Variants in SV2B observed in about 807,000 individuals in gnomAD.
SV2B encodes the protein solute carrier family 22 member B2.
In SV2B, 41 loss-of-function variants were observed where a neutral mutation model predicts 73.9. That is an observed-to-expected ratio of 0.56 (90% CI 0.43 to 0.72). The LOEUF (loss-of-function observed/expected upper bound fraction) is 0.72. Among genes scored for constraint, SV2B ranks in the 30% least tolerant of loss-of-function variants. The pLI is 0.00. For synonymous variants in SV2B, 314 were observed against 314.2 expected, an observed-to-expected ratio of 1.00 and a Z score of 0.01; for missense variants, 764 against 857.8, an observed-to-expected ratio of 0.89 and a Z score of 1.37.
At chr15:91,104,304 G>T (rs1054709637) in intron 1 of SV2B, among the ~76,000 whole-genome samples, 2 of 152,184 alleles carry the variant, frequency 1.3e-5, no homozygotes, top group Non-Finnish European at 2.9e-5. Context: ...GCCTCAGCTG[G>T]ATGACTTGGC....
rs79883185 is a variant in SV2B at position 91,132,685 on chromosome 15, C to T, written c.-392+32322C>T. Among the ~76,000 whole-genome samples the T allele has an allele frequency of 0.036, 5,482 of 152,070 alleles. 328 individuals carry two copies. The highest frequency in any genetic ancestry group is 0.12 in the African/African-American group (5,092 of 41,436). ...AACATTTAGGTTTTTTGCCTCCAGA[C>T]CCTATTTCTCCTGCCTCAGTGGCAC... On this transcript the variant is annotated intron_variant, in intron 1 of 12. Coordinates refer to ENST00000394232, the MANE Select transcript of SV2B (RefSeq NM_001323032.3). This position sits in a 1 kb window ranked among gnomAD's most constrained non-coding sequence, Gnocchi z 4.6.
rs191998791 is a variant in SV2B, at chr15:91,197,139, C to T, written c.-391-28734C>T. 3.3e-5 allele frequency among the ~76,000 whole-genome samples: 5 copies of T among 152,316 alleles called. No homozygotes were observed. The highest frequency in any genetic ancestry group is 2.1e-4 in the South Asian group (1 of 4,828). On this transcript the variant is annotated intron_variant, in intron 1 of 12. Coordinates refer to ENST00000394232, the MANE Select transcript of SV2B (RefSeq NM_001323032.3). The surrounding 1 kb of genome is among the most constrained non-coding windows in gnomAD (Gnocchi z 4.9). ...TGTGAGGCTGGCCTTATCAAATTAC[C>T]GTACTTCTCAGAGAATCAATACCCA...
In SV2B at chr15:91,239,673, G is replaced by A. The variant is rs1199888376; in HGVS notation, c.452-12146G>A. Among the ~76,000 whole-genome samples the A allele has an allele frequency of 6.6e-6, 1 of 152,140 alleles. No homozygotes were observed. Among genetic ancestry groups the A allele is most frequent in the Non-Finnish European group, 1.5e-5 (1 of 68,028 alleles). ...TCAGATAGAGTCTTTCATTAGTATG[G>A]TTTCTTTTTTAGAAGGCAGCATGTG... On this transcript the variant is annotated intron_variant, in intron 2 of 12. Transcript: ENST00000394232. This position sits in a 1 kb window ranked among gnomAD's most constrained non-coding sequence, Gnocchi z 5.1.
At position 91,122,187 on chromosome 15, in the gene SV2B, A is replaced by G. The variant is rs921129054; in HGVS notation, c.-392+21824A>G. 6.6e-6 allele frequency among the ~76,000 whole-genome samples: 1 copy of G among 152,198 alleles called. No homozygotes were observed. The highest frequency in any genetic ancestry group is 2.4e-5 in the African/African-American group (1 of 41,452). ...TCTTTGGACTCCCACTATCTCAGCTACTAGAAATGTATTATCTCATCGATA... is the reference window on the plus strand; with the variant it reads ...TCTTTGGACTCCCACTATCTCAGCTGCTAGAAATGTATTATCTCATCGATA... On this transcript the variant is annotated intron_variant, in intron 1 of 12. Coordinates refer to ENST00000394232, the MANE Select transcript of SV2B (RefSeq NM_001323032.3). The surrounding 1 kb of genome is among the most constrained non-coding windows in gnomAD (Gnocchi z 4.3).
chr15:91,296,209 G>C lies in SV2B; in HGVS notation c.*3657G>C, dbSNP rs999763502. 6.6e-6 allele frequency: 1 copy of C among 152,210 alleles called. No individual in the cohort carries two copies. Among genetic ancestry groups the C allele is most frequent in the African/African-American group, 2.4e-5 (1 of 41,434 alleles). The allele number at this position is 152,210 out of a possible 1,614,324, so 9.4% of individuals were successfully genotyped here. A position where few individuals can be genotyped will look rare whatever the true frequency, so the allele number is the denominator to read the frequency against. ...GAATGCAAGAGGGACATTGGTGAGT[G>C]GGGTAAGAATCCCCGTAGCCCTGGG... On this transcript the variant is annotated 3_prime_UTR_variant, in exon 13 of 13. Coordinates refer to ENST00000394232, the MANE Select transcript of SV2B (RefSeq NM_001323032.3).
intron 1 of SV2B, among the ~76,000 whole-genome samples, chr15:91,198,455 A>ATGTGTGTG (rs5814467): frequency 0.028 from 3,852 of 136,796 alleles, 158 homozygotes; most frequent in African/African-American, 0.072. Flanking sequence ...AAGCACGTGT[A>ATGTGTGTG]TGTGTGTGTG....
intron 1 of SV2B, among the ~76,000 whole-genome samples, chr15:91,131,148 T>G (rs369217568): frequency 4.8e-3 from 55 of 11,410 alleles, no homozygotes; most frequent in African/African-American, 7.6e-3. Context: ...TGTTTTCTTG[T>G]TTTTTTTTTT....
intron 6 of SV2B, among the ~76,000 whole-genome samples, chr15:91,262,390 C>G (rs536909991): frequency 2.6e-5 from 4 of 152,136 alleles, no homozygotes; most frequent in Admixed American, 6.5e-5. Context: ...GAAAATTCCT[C>G]AATGGGATAT....
At chr15:91,244,255 C>T (rs1010548673) in intron 2 of SV2B, among the ~76,000 whole-genome samples, 2 of 152,202 alleles carry the variant, frequency 1.3e-5, no homozygotes, top group Non-Finnish European at 2.9e-5. Context: ...CAGTGTCTTA[C>T]ATATGGCAGG....
intron 1 of SV2B, among the ~76,000 whole-genome samples, chr15:91,104,547 A>G (rs2151716018): frequency 6.6e-6 from 1 of 152,384 alleles, no homozygotes; most frequent in South Asian, 2.1e-4. Flanking sequence ...ACATAGTCAC[A>G]TTGCAAAATG....
intron 1 of SV2B, among the ~76,000 whole-genome samples, chr15:91,183,822 A>G (rs2044673642): frequency 6.6e-6 from 1 of 152,224 alleles, no homozygotes; most frequent in African/African-American, 2.4e-5. Context: ...AGGGGGAGGA[A>G]ACCGACTATT....
In SV2B at chr15:91,292,750, G is replaced by C; in HGVS notation, c.*198G>C. Reference sequence around the variant, plus strand: ...GGTGACTGATTTGGGGGTGCCCTGAGCCACCCTTAGAATCACAGAGCTGCG... The same window carrying C: ...GGTGACTGATTTGGGGGTGCCCTGACCCACCCTTAGAATCACAGAGCTGCG... On this transcript the variant is annotated 3_prime_UTR_variant, in exon 13 of 13. Coordinates refer to ENST00000394232, the MANE Select transcript of SV2B (RefSeq NM_001323032.3). The C allele has an allele frequency of 1.8e-6, 1 of 568,012 alleles. No individual in the cohort carries two copies. The highest frequency in any genetic ancestry group is 3.0e-5 in the South Asian group (1 of 33,654). The allele number at this position is 568,012 out of a possible 1,614,324, so 35.2% of individuals were successfully genotyped here.
chr15:91,115,922 A>C lies in SV2B; in HGVS notation c.-392+15559A>C, dbSNP rs1351941014. On this transcript the variant is annotated intron_variant, in intron 1 of 12. Transcript: ENST00000394232. The surrounding 1 kb of genome is among the most constrained non-coding windows in gnomAD (Gnocchi z 4.3). ...CTGCCCTCAGGGTGTATAGTGTAGA[A>C]GTTTGTAAAGAAGCTTTGTTTCACA... Among the ~76,000 whole-genome samples the C allele has an allele frequency of 6.6e-6, 1 of 152,168 alleles. No homozygotes were observed. Among genetic ancestry groups the C allele is most frequent in the Non-Finnish European group, 1.5e-5 (1 of 68,030 alleles).
intron 1 of SV2B, among the ~76,000 whole-genome samples, chr15:91,158,842 C>A (rs569250377): frequency 6.6e-6 from 1 of 151,222 alleles, no homozygotes; most frequent in East Asian, 2.0e-4. Flanking sequence ...CACAATGTTA[C>A]CCCCAATCTC....
In SV2B at chr15:91,106,141, A is replaced by G. The variant is rs1051034881; in HGVS notation, c.-392+5778A>G. Among the ~76,000 whole-genome samples, 19 of 152,202 alleles carry G rather than the reference A, an allele frequency of 1.2e-4. No individual in the cohort carries two copies. Among genetic ancestry groups the G allele is most frequent in the African/African-American group, 1.2e-4 (5 of 41,450 alleles). ...ATGAGTTAGATACTTAGAGTATGAG[A>G]AAAAGATGACATAATGAATTTTGAC... On this transcript the variant is annotated intron_variant, in intron 1 of 12. Coordinates refer to ENST00000394232, the MANE Select transcript of SV2B (RefSeq NM_001323032.3). The surrounding 1 kb of genome is among the most constrained non-coding windows in gnomAD (Gnocchi z 4.4).
At position 91,268,702 on chromosome 15, in the gene SV2B, C is replaced by G; in HGVS notation, c.1373+97C>G. On this transcript the variant is annotated intron_variant, in intron 9 of 12. Transcript: ENST00000394232. The surrounding 1 kb of genome is among the most constrained non-coding windows in gnomAD (Gnocchi z 4.4). ...GAGGGAAGATAAGAATCAAATATGGCCGGGAATGAGCGCCAAGGCTGGTGT... is the reference window on the plus strand; with the variant it reads ...GAGGGAAGATAAGAATCAAATATGGGCGGGAATGAGCGCCAAGGCTGGTGT... The G allele has an allele frequency of 6.8e-7, 1 of 1,473,154 alleles. No individual in the cohort carries two copies. Among genetic ancestry groups the G allele is most frequent in the East Asian group, 2.3e-5 (1 of 43,328 alleles). The allele number at this position is 1,473,154 out of a possible 1,614,324, so 91.3% of individuals were successfully genotyped here.
Position 91,295,280 on chromosome 15 carries a change from G to A in SV2B, c.*2728G>A, listed in dbSNP as rs2049181269. 6.6e-6 allele frequency: 1 copy of A among 152,158 alleles called. No homozygotes were observed. The highest frequency in any genetic ancestry group is 2.4e-5 in the African/African-American group (1 of 41,428). 9.4% of individuals were successfully genotyped at this position (152,158 alleles called of 1,614,324 possible). ...TTTTGTTTTATTAAAAATAATTAGTGAAAGAGGTGTGCCTATCTGTGAAGT... is the reference window on the plus strand; with the variant it reads ...TTTTGTTTTATTAAAAATAATTAGTAAAAGAGGTGTGCCTATCTGTGAAGT... On this transcript the variant is annotated 3_prime_UTR_variant, in exon 13 of 13. Coordinates refer to ENST00000394232, the MANE Select transcript of SV2B (RefSeq NM_001323032.3).
rs370290337 is a variant in SV2B, at chr15:91,221,693, G to GCGCGCACACACACA, written c.-391-4179_-391-4178insGCGCACACACACAC. On this transcript the variant is annotated intron_variant, in intron 1 of 12. Coordinates refer to ENST00000394232, the MANE Select transcript of SV2B (RefSeq NM_001323032.3). ...CTGTGGACTATTACCAAGCATGTGCGCACACACACACACACACACACACAC... is the reference window on the plus strand; with the variant it reads ...CTGTGGACTATTACCAAGCATGTGCGCGCGCACACACACACACACACACACACACACACACACAC... Among the ~76,000 whole-genome samples, 152 of 140,152 alleles carry GCGCGCACACACACA rather than the reference G, an allele frequency of 1.1e-3. 1 individual carries two copies. Among genetic ancestry groups the GCGCGCACACACACA allele is most frequent in the Middle Eastern group, 7.1e-3 (2 of 280 alleles). The allele number at this position is 140,152 out of a possible 152,430, so 91.9% of individuals were successfully genotyped here.
At chr15:91,104,056 A>G (rs1336480679) in intron 1 of SV2B, among the ~76,000 whole-genome samples, 1 of 152,214 alleles carries the variant, frequency 6.6e-6, no homozygotes, top group Non-Finnish European at 1.5e-5. Flanking sequence ...AGCAGCTTAG[A>G]TGCGTACCCT....
Sources: allele counts gnomAD v4.1 joint callset (sites outside exome capture counted in the v4.1 genomes callset), GRCh38; gene constraint gnomAD v4.1.1; non-coding constraint Gnocchi (gnomAD v3.1); transcripts MANE v1.5; gene names NCBI Gene and HGNC (gene_info 2026-07-23, HGNC 2026-07-21).